KSR1: variants seen among roughly 807,000 people sequenced by gnomAD.
KSR1 encodes kinase suppressor of ras 1.
In KSR1, 35 loss-of-function variants were observed where a neutral mutation model predicts 92.9. The observed-to-expected ratio is 0.38, with a 90% CI of 0.29 to 0.50. KSR1 has a LOEUF of 0.50. Among genes scored for constraint, KSR1 ranks in the 20% least tolerant of loss-of-function variants. The probability of loss-of-function intolerance (pLI) is 0.94; values close to 1 mark genes in which losing one functional copy is unlikely to be tolerated. For missense variants in KSR1, 972 were observed against 1,158.5 expected, an observed-to-expected ratio of 0.84 and a Z score of 2.34; for synonymous variants, 467 against 472.6, an observed-to-expected ratio of 0.99 and a Z score of 0.15.
chr17:27,481,631 G>C (rs368881986), intron 1 of KSR1, among the ~76,000 whole-genome samples: 1 of 152,140 alleles, frequency 6.6e-6, no homozygotes, highest in African/African-American at 2.4e-5. Context: ...GGGGCCACCT[G>C]CACTTATATA....
chr17:27,555,058 T>G (rs1306112639), intron 2 of KSR1, among the ~76,000 whole-genome samples: 1 of 152,232 alleles, frequency 6.6e-6, no homozygotes, highest in Non-Finnish European at 1.5e-5. Context: ...TTTACTGTCC[T>G]CTCTCTTTTC....
rs1214294095 is a variant in KSR1, at chr17:27,592,601, C to T, written c.1274C>T (p.Thr425Ile). Residue 425 changes from threonine to isoleucine, a missense_variant, in exon 9 of 21, where the codon ACC (threonine) becomes ATC (isoleucine). By Grantham distance (89) the Thr-to-Ile change is moderately conservative. This residue lies in a region of KSR1 where 611 missense variants were observed against 668.0 expected (regional missense o/e 0.91). Transcript: ENST00000644974. Reference sequence around the variant, plus strand: ...AGAGCAGCCGAACCCCATTTTGGAACCCTCCCCAAAGCACTGACAAAGAAG... The same window carrying T: ...AGAGCAGCCGAACCCCATTTTGGAATCCTCCCCAAAGCACTGACAAAGAAG... ...VDRAAEPHFG[T>I]LPKALTKKEH... The T allele has an allele frequency of 6.2e-7, 1 of 1,613,790 alleles. No homozygotes were observed. The highest frequency in any genetic ancestry group is 8.5e-7 in the Non-Finnish European group (1 of 1,179,872).
At chr17:27,474,185 T>G (rs933734265) in intron 1 of KSR1, among the ~76,000 whole-genome samples, 1 of 152,258 alleles carries the variant, frequency 6.6e-6, no homozygotes, top group African/African-American at 2.4e-5. Context: ...AAACTTCCTC[T>G]CTGGCCCTGT....
intron 2 of KSR1, among the ~76,000 whole-genome samples, chr17:27,569,979 G>A (rs979002013): frequency 6.6e-6 from 1 of 152,218 alleles, no homozygotes; most frequent in African/African-American, 2.4e-5. Context: ...TGGTGACAGC[G>A]GGTGCAGCTG....
At chr17:27,582,587 T>C in intron 3 of KSR1, 59 bp from the exon 4 acceptor site, 1 of 1,483,418 alleles carries the variant, frequency 6.7e-7, no homozygotes, top group Non-Finnish European at 9.2e-7. Flanking sequence ...CCCCTAGCCA[T>C]CTCCCCTGTG....
At chr17:27,584,049 T>C (rs1297434375) in intron 4 of KSR1, 1 of 867,590 alleles carries the variant, frequency 1.2e-6, no homozygotes, top group African/African-American at 1.8e-5. Flanking sequence ...CGTTAGATCA[T>C]TGTCTTTTTT....
Position 27,507,987 on chromosome 17 carries a change from T to G in KSR1, c.232-42581T>G, listed in dbSNP as rs555739349. Among the ~76,000 whole-genome samples, 67 of 152,314 alleles carry G rather than the reference T, an allele frequency of 4.4e-4. 1 individual carries two copies. The South Asian group carries it at 0.012, about 28-fold the overall frequency. On this transcript the variant is annotated intron_variant, in intron 1 of 20. Transcript: ENST00000644974. The stretch of plus-strand genomic sequence containing the variant: ...TGTCCTGCCCTAGAAGGGGCTATCT[T>G]GGCTTCAGAGGGGAGAAATGAAACC...
chr17:27,546,940 C>CTCTGGGCACCTGAGGGGCAT (rs2071199018), intron 1 of KSR1, among the ~76,000 whole-genome samples: 1 of 152,162 alleles, frequency 6.6e-6, no homozygotes, highest in Non-Finnish European at 1.5e-5. Context: ...GCAGGGTCTG[C>CTCTGGGCACCTGAGGGGCAT]TCTGGGCACC....
At chr17:27,539,247 C>G (rs1260602952) in intron 1 of KSR1, among the ~76,000 whole-genome samples, 3 of 152,118 alleles carry the variant, frequency 2.0e-5, no homozygotes, top group Non-Finnish European at 4.4e-5. Context: ...GTGGCTGTGC[C>G]CTGTGGGCCT....
At chr17:27,592,219 T>C (rs923526242) in intron 7 of KSR1, 142 bp from the exon 8 acceptor site, 7 of 685,278 alleles carry the variant, frequency 1.0e-5, no homozygotes, top group Admixed American at 2.4e-5. Flanking sequence ...AATATCATGA[T>C]GTTCTCTACT....
At chr17:27,597,526 C>A in intron 10 of KSR1, 90 bp downstream of exon 10, 1 of 1,333,530 alleles carries the variant, frequency 7.5e-7, no homozygotes, top group Non-Finnish European at 1.0e-6. Context: ...CAAGGTCAGA[C>A]ATGGCCACAG....
intron 1 of KSR1, among the ~76,000 whole-genome samples, chr17:27,545,044 CAGT>C (rs2071112664): frequency 6.6e-6 from 1 of 152,230 alleles, no homozygotes; most frequent in Non-Finnish European, 1.5e-5. Context: ...CCAGACCTGC[CAGT>C]AGCTGGGTCG....
intron 1 of KSR1, chr17:27,526,404 G>C: frequency 6.6e-7 from 1 of 1,515,410 alleles, no homozygotes; most frequent in Non-Finnish European, 8.9e-7. Flanking sequence ...AATTGGGAAA[G>C]GGCCGGTTAA....
chr17:27,583,667 ACTGT>A (rs1229976905), intron 4 of KSR1, among the ~76,000 whole-genome samples: 1 of 152,342 alleles, frequency 6.6e-6, no homozygotes, highest in Non-Finnish European at 1.5e-5. Context: ...ACCACTAGTG[ACTGT>A]CAGATACCAT....
At chr17:27,579,911 A>AAAAAAAAT (rs35343726) in intron 3 of KSR1, 2 of 149,294 alleles carry the variant, frequency 1.3e-5, no homozygotes, top group Admixed American at 6.7e-5. Flanking sequence ...AAAAAAAAAA[A>AAAAAAAAT]GTGAGTGAAG....
At chr17:27,574,721 A>G (rs897654397) in intron 2 of KSR1, among the ~76,000 whole-genome samples, 4 of 152,240 alleles carry the variant, frequency 2.6e-5, no homozygotes, top group Non-Finnish European at 5.9e-5. Flanking sequence ...TGACAATGAA[A>G]TTAGTCCTTA....
At chr17:27,524,654 G>A (rs1341305085) in intron 1 of KSR1, among the ~76,000 whole-genome samples, 1 of 152,196 alleles carries the variant, frequency 6.6e-6, no homozygotes, top group Admixed American at 6.5e-5. Context: ...GAAGAGCAAG[G>A]AATTAGATAG....
At chr17:27,558,366 A>G (rs2071690825) in intron 2 of KSR1, among the ~76,000 whole-genome samples, 1 of 151,216 alleles carries the variant, frequency 6.6e-6, no homozygotes, top group Non-Finnish European at 1.5e-5. Context: ...ATAAAAATTC[A>G]TGTTATCCTT....
intron 1 of KSR1, among the ~76,000 whole-genome samples, chr17:27,506,696 C>A (rs372875760): frequency 3.3e-5 from 5 of 150,948 alleles, no homozygotes; most frequent in Non-Finnish European, 7.4e-5. Flanking sequence ...CCTCCCACCC[C>A]CAAGCTGCAT....
Sources: gnomAD v4.1 joint callset for allele counts (sites outside exome capture counted in the v4.1 genomes callset) on GRCh38, gnomAD v4.1.1 for gene constraint, gnomAD v4.1.1 regional missense constraint, MANE v1.5 for transcripts, NCBI Gene and HGNC (gene_info 2026-07-23, HGNC 2026-07-21) for gene names.